Variants in PRKCB observed in about 807,000 individuals in gnomAD.
PRKCB encodes protein kinase C beta type.
Under a neutral mutation model 81.5 loss-of-function variants are expected in PRKCB, and 13 were observed. The observed-to-expected ratio is 0.16, with a 90% CI of 0.10 to 0.25. The LOEUF (loss-of-function observed/expected upper bound fraction) is 0.25. Ranked by LOEUF, PRKCB falls within the 10% of genes least tolerant of loss-of-function variation. The pLI is 1.00. For missense variants in PRKCB, 509 were observed against 875.7 expected, an observed-to-expected ratio of 0.58 and a Z score of 5.29; for synonymous variants, 335 against 321.4, an observed-to-expected ratio of 1.04 and a Z score of -0.45.
chr16:24,192,174 A>C (rs1219788048), intron 16 of PRKCB, among the ~76,000 whole-genome samples: 2 of 152,262 alleles, frequency 1.3e-5, no homozygotes, highest in African/African-American at 4.8e-5. Flanking sequence ...TTGAGCACTT[A>C]CGTGCTAGGC....
At chr16:23,904,187 G>A (rs1963523943) in intron 2 of PRKCB, among the ~76,000 whole-genome samples, 1 of 152,140 alleles carries the variant, frequency 6.6e-6, no homozygotes, top group East Asian at 1.9e-4. Flanking sequence ...CAGCTAAGGG[G>A]GTGGGCTCTA....
chr16:23,994,613 T>C (rs539889260), intron 3 of PRKCB, among the ~76,000 whole-genome samples: 2 of 152,328 alleles, frequency 1.3e-5, no homozygotes, highest in African/African-American at 4.8e-5. Context: ...AGAAGACAGA[T>C]GAATCTAGAA....
At chr16:24,054,268 A>T (rs1288803722) in intron 5 of PRKCB, among the ~76,000 whole-genome samples, 1 of 152,182 alleles carries the variant, frequency 6.6e-6, no homozygotes, top group East Asian at 1.9e-4. Context: ...TGAGCCACTG[A>T]ACCTGGCTAT....
At chr16:24,000,358 C>T (rs1036966278) in intron 3 of PRKCB, among the ~76,000 whole-genome samples, 3 of 152,174 alleles carry the variant, frequency 2.0e-5, no homozygotes, top group Non-Finnish European at 4.4e-5. Flanking sequence ...CCACCTCTAG[C>T]TATAAGTGGT....
Position 24,042,743 on chromosome 16 carries a change from A to AAT in PRKCB, c.529+7196_529+7197insAT, listed in dbSNP as rs71381630. Among the ~76,000 whole-genome samples the AAT allele has an allele frequency of 5.1e-3, 731 of 144,576 alleles. 3 individuals are homozygous for AAT. The highest frequency in any genetic ancestry group is 0.018 in the African/African-American group (692 of 38,896). 94.8% of individuals were successfully genotyped at this position (144,576 alleles called of 152,430 possible). ...ATGTACATACAATGATACATACAAA[A>AAT]TTTTTTTTTTTTTTGAGACAGTCTC... On this transcript the variant is annotated intron_variant, in intron 5 of 16. Transcript: ENST00000643927.
At chr16:23,935,802 C>T (rs998817454) in intron 2 of PRKCB, among the ~76,000 whole-genome samples, 2 of 152,000 alleles carry the variant, frequency 1.3e-5, no homozygotes, top group Admixed American at 1.3e-4. Context: ...TGCATATTCT[C>T]ACTGATAAGG....
At chr16:23,968,221 T>C (rs1964513253) in intron 2 of PRKCB, among the ~76,000 whole-genome samples, 1 of 152,122 alleles carries the variant, frequency 6.6e-6, no homozygotes, top group African/African-American at 2.4e-5. Context: ...TGTGGACAAG[T>C]TCCTCCACCC....
chr16:24,209,344 G>A (rs1489158007), intron 16 of PRKCB, among the ~76,000 whole-genome samples: 6 of 152,012 alleles, frequency 3.9e-5, no homozygotes, highest in Non-Finnish European at 1.5e-5. Flanking sequence ...TTCCTCTCCT[G>A]TGGATGACTG....
intron 5 of PRKCB, among the ~76,000 whole-genome samples, chr16:24,079,880 G>A (rs138564777): frequency 1.3e-5 from 2 of 152,134 alleles, no homozygotes; most frequent in African/African-American, 2.4e-5. Context: ...TATTTATTAC[G>A]TCAAGAAAAG....
At chr16:24,087,000 T>G (rs559794266) in intron 5 of PRKCB, among the ~76,000 whole-genome samples, 1 of 152,360 alleles carries the variant, frequency 6.6e-6, no homozygotes, top group South Asian at 2.1e-4. Flanking sequence ...ATTGTTTATA[T>G]TTTGCTCCAT....
At chr16:24,045,533 A>T (rs952279113) in intron 5 of PRKCB, among the ~76,000 whole-genome samples, 1 of 152,056 alleles carries the variant, frequency 6.6e-6, no homozygotes, top group Non-Finnish European at 1.5e-5. Context: ...CCCACCTCCA[A>T]GTCTGAGTTC....
intron 2 of PRKCB, among the ~76,000 whole-genome samples, chr16:23,958,921 C>T (rs1567326250): frequency 6.6e-6 from 1 of 152,104 alleles, no homozygotes; most frequent in Non-Finnish European, 1.5e-5. Flanking sequence ...GATGCCAGAC[C>T]CAGTCTGCCT....
At chr16:23,953,831 A>G (rs1282719730) in intron 2 of PRKCB, among the ~76,000 whole-genome samples, 1 of 152,034 alleles carries the variant, frequency 6.6e-6, no homozygotes, top group East Asian at 1.9e-4. Context: ...AGGAGCATAT[A>G]GTCAAAGAGG....
At chr16:23,949,064 G>A (rs1046265510) in intron 2 of PRKCB, among the ~76,000 whole-genome samples, 6 of 152,210 alleles carry the variant, frequency 3.9e-5, no homozygotes, top group African/African-American at 9.6e-5. Flanking sequence ...TGATTCAGGC[G>A]TAAACACTTG....
chr16:24,003,170 C>T (rs1965062742), intron 3 of PRKCB, among the ~76,000 whole-genome samples: 1 of 152,140 alleles, frequency 6.6e-6, no homozygotes, highest in Admixed American at 6.5e-5. Flanking sequence ...AACACCATGC[C>T]CACACCTTTA....
At chr16:24,036,410 C>T (rs774179491) in intron 5 of PRKCB, among the ~76,000 whole-genome samples, 7 of 152,232 alleles carry the variant, frequency 4.6e-5, no homozygotes, top group Admixed American at 6.5e-5. Context: ...AATTTCTTCT[C>T]AAAGGCTAGT....
intron 2 of PRKCB, among the ~76,000 whole-genome samples, chr16:23,985,427 G>C (rs1396333500): frequency 6.6e-6 from 1 of 152,042 alleles, no homozygotes; most frequent in African/African-American, 2.4e-5. Context: ...ACAATGACCA[G>C]TTGGGAAACA....
intron 3 of PRKCB, among the ~76,000 whole-genome samples, chr16:24,021,319 C>T (rs796581613): frequency 8.8e-5 from 4 of 45,462 alleles, no homozygotes; most frequent in Non-Finnish European, 1.7e-4. Flanking sequence ...TCCTTCCTTC[C>T]TTCCTTCCTT....
At chr16:24,164,397 G>A (rs1351046802) in intron 10 of PRKCB, among the ~76,000 whole-genome samples, 3 of 152,210 alleles carry the variant, frequency 2.0e-5, no homozygotes, top group Non-Finnish European at 4.4e-5. Flanking sequence ...GATTATGAGA[G>A]ATTAAGGAGA....
Sources: gnomAD v4.1 joint callset for allele counts (sites outside exome capture counted in the v4.1 genomes callset) on GRCh38, gnomAD v4.1.1 for gene constraint, MANE v1.5 for transcripts, NCBI Gene and HGNC (gene_info 2026-07-23, HGNC 2026-07-21) for gene names.